SGCZ: variants seen among roughly 807,000 people sequenced by gnomAD.
SGCZ encodes the protein zeta-sarcoglycan.
In SGCZ, 40 loss-of-function variants were observed where a neutral mutation model predicts 41.3. The ratio of observed to expected loss-of-function variants is 0.97; its 90% CI spans 0.75 to 1.26. SGCZ has a LOEUF of 1.26. SGCZ is among the 50% of genes most tolerant of loss of function. The pLI is 0.00. For missense variants in SGCZ, 552 were observed against 369.8 expected (o/e 1.49, Z -4.04); for synonymous variants, 206 against 137.5 (o/e 1.50, Z -3.49).
chr8:14,684,901 G>T (rs374634485), intron 1 of SGCZ, among the ~76,000 whole-genome samples: 6 of 152,056 alleles, frequency 3.9e-5, no homozygotes, highest in African/African-American at 9.7e-5. Flanking sequence ...TGTGCAGGTC[G>T]TAATTCCTGG....
At chr8:14,335,071 G>A (rs1171053247) in intron 2 of SGCZ, among the ~76,000 whole-genome samples, 2 of 152,082 alleles carry the variant, frequency 1.3e-5, no homozygotes, top group Non-Finnish European at 2.9e-5. Flanking sequence ...TGAGCAAGTT[G>A]ACTCTCCTTG....
intron 1 of SGCZ, among the ~76,000 whole-genome samples, chr8:14,598,352 A>T (rs563366926): frequency 6.6e-6 from 1 of 152,002 alleles, no homozygotes; most frequent in Non-Finnish European, 1.5e-5. Flanking sequence ...TTGTTTACCA[A>T]CATTTAGTCA....
chr8:15,161,626 A>G (rs190935432), intron 1 of SGCZ, among the ~76,000 whole-genome samples: 3 of 152,364 alleles, frequency 2.0e-5, no homozygotes, highest in Admixed American at 2.0e-4. Flanking sequence ...GGGAAAGAAA[A>G]AAGTTCAGCA....
chr8:14,542,563 G>A (rs1373774064), intron 2 of SGCZ, among the ~76,000 whole-genome samples: 1 of 152,064 alleles, frequency 6.6e-6, no homozygotes, highest in African/African-American at 2.4e-5. Context: ...AGAGCACCGA[G>A]CTATTTATAC....
At chr8:14,351,778 T>C (rs950468643) in intron 2 of SGCZ, among the ~76,000 whole-genome samples, 1 of 152,100 alleles carries the variant, frequency 6.6e-6, no homozygotes, top group Non-Finnish European at 1.5e-5. Flanking sequence ...TTTGTTCAAA[T>C]GTCTTAACTA....
In SGCZ at chr8:14,238,966, T is replaced by C. The variant is rs1437274640; in HGVS notation, c.337-1287A>G. ...TTGGAATTGGTGATTTGGAGATATATATGTATATATATAAAAATTCATATA... is the reference window on the plus strand; with the variant it reads ...TTGGAATTGGTGATTTGGAGATATACATGTATATATATAAAAATTCATATA... On this transcript the variant is annotated intron_variant, in intron 3 of 7. Transcript: ENST00000382080. Among the ~76,000 whole-genome samples the C allele has an allele frequency of 2.0e-5, 3 of 151,758 alleles. No homozygotes were observed. The East Asian group carries it at 5.8e-4, about 29-fold the overall frequency.
intron 1 of SGCZ, among the ~76,000 whole-genome samples, chr8:14,601,104 T>A (rs1461574049): frequency 6.6e-6 from 1 of 151,316 alleles, no homozygotes; most frequent in South Asian, 2.1e-4. Flanking sequence ...TTGATCATAC[T>A]GTATATATCC....
chr8:14,359,505 A>G (rs1803427269), intron 2 of SGCZ, among the ~76,000 whole-genome samples: 1 of 152,188 alleles, frequency 6.6e-6, no homozygotes, highest in Non-Finnish European at 1.5e-5. Context: ...AAACATTCCA[A>G]AAAACTGAAA....
chr8:14,143,776 AC>A (rs1803442534), intron 5 of SGCZ, among the ~76,000 whole-genome samples: 1 of 152,018 alleles, frequency 6.6e-6, no homozygotes, highest in African/African-American at 2.4e-5. Flanking sequence ...TCCCCTCTAC[AC>A]CCCACCCTCC....
At position 14,309,040 on chromosome 8, in the gene SGCZ, C is replaced by G. The variant is rs931207768; in HGVS notation, c.336+15063G>C. 42 of 1,289,054 alleles carry G rather than the reference C, an allele frequency of 3.3e-5. No homozygotes were observed. In the African/African-American group the frequency reaches 5.7e-4, roughly 17 times the overall value. The allele number at this position is 1,289,054 out of a possible 1,614,324, so 79.9% of individuals were successfully genotyped here. ...TTTACCAGAAAATGAAACCGGAAGC[C>G]TCCCCTACTCTTAATTCCCCAACTA... On this transcript the variant is annotated intron_variant, in intron 3 of 7. Transcript: ENST00000382080.
intron 2 of SGCZ, 144 bp from the exon 3 acceptor site, chr8:14,324,348 A>G (rs1267091632): frequency 1.5e-6 from 1 of 671,708 alleles, no homozygotes; most frequent in Admixed American, 2.7e-5. Flanking sequence ...CTACTTAATT[A>G]ATGTTTGCAG....
intron 2 of SGCZ, among the ~76,000 whole-genome samples, chr8:14,553,392 T>A (rs185315354): frequency 4.6e-5 from 7 of 152,200 alleles, no homozygotes; most frequent in Non-Finnish European, 1.5e-5. Flanking sequence ...CTGGGACGCA[T>A]ATCCATGTCT....
rs1471491878 is a variant in SGCZ, at chr8:15,170,451, CT to C, written c.39+67133del. Among the ~76,000 whole-genome samples, 3 of 152,202 alleles carry C rather than the reference CT, an allele frequency of 2.0e-5. No individual in the cohort carries two copies. The East Asian group carries it at 5.8e-4, about 29-fold the overall frequency. ...TGGATAAATGGACAACTTTCCACCCCTGCTTAGAGACCAGCTTTCCACCTCT... is the reference window on the plus strand; with the variant it reads ...TGGATAAATGGACAACTTTCCACCCCGCTTAGAGACCAGCTTTCCACCTCT... On this transcript the variant is annotated intron_variant, in intron 1 of 7. Coordinates refer to ENST00000382080, the MANE Select transcript of SGCZ (RefSeq NM_139167.4).
At chr8:15,068,510 T>C (rs79879405) in intron 1 of SGCZ, among the ~76,000 whole-genome samples, 6,521 of 152,268 alleles carry the variant, frequency 0.043, 205 homozygotes, top group South Asian at 0.12. Flanking sequence ...TATCTCCAAA[T>C]TACAGATGAG....
At chr8:14,342,113 G>A (rs552335492) in intron 2 of SGCZ, among the ~76,000 whole-genome samples, 2 of 152,196 alleles carry the variant, frequency 1.3e-5, no homozygotes, top group African/African-American at 4.8e-5. Context: ...GAATGGCTTT[G>A]CCCAAATGCT....
intron 1 of SGCZ, among the ~76,000 whole-genome samples, chr8:15,036,423 G>C (rs1208061912): frequency 1.3e-5 from 2 of 152,064 alleles, no homozygotes; most frequent in African/African-American, 2.4e-5. Flanking sequence ...AGTTGGAGGA[G>C]GGAGAGGATG....
At chr8:15,045,828 A>G (rs1042911266) in intron 1 of SGCZ, among the ~76,000 whole-genome samples, 1 of 152,074 alleles carries the variant, frequency 6.6e-6, no homozygotes, top group Non-Finnish European at 1.5e-5. Flanking sequence ...CATCCAATCA[A>G]ACAGACTCTC....
At chr8:14,365,721 G>A (rs1487187810) in intron 2 of SGCZ, among the ~76,000 whole-genome samples, 3 of 151,978 alleles carry the variant, frequency 2.0e-5, no homozygotes, top group African/African-American at 7.2e-5. Context: ...TTTATCTTAA[G>A]GCTTAACAGG....
chr8:14,954,700 C>T (rs1195508643), intron 1 of SGCZ, among the ~76,000 whole-genome samples: 1 of 152,128 alleles, frequency 6.6e-6, no homozygotes, highest in African/African-American at 2.4e-5. Flanking sequence ...GGAACCGAAT[C>T]TTCCTAAAAC....
Sources: allele counts gnomAD v4.1 joint callset (sites outside exome capture counted in the v4.1 genomes callset), GRCh38; gene constraint gnomAD v4.1.1; transcripts MANE v1.5; gene names NCBI Gene and HGNC (gene_info 2026-07-23, HGNC 2026-07-21).